WBP4: variants seen among roughly 807,000 people sequenced by gnomAD.
WBP4 encodes WW domain-binding protein 4.
WBP4 carries 37 observed loss-of-function variants against 55.4 expected under a neutral mutation model. The ratio of observed to expected loss-of-function variants is 0.67; its 90% CI spans 0.51 to 0.88. The LOEUF is 0.88. WBP4 is among the 40% of genes least tolerant of loss of function. WBP4 has a pLI of 0.00. For synonymous variants in WBP4, 142 were observed against 140.2 expected (o/e 1.01, Z -0.09); for missense variants, 398 against 420.8 (o/e 0.95, Z 0.47).
chr13:41,067,430 C>G (rs1371286835), intron 4 of WBP4, among the ~76,000 whole-genome samples: 1 of 152,168 alleles, frequency 6.6e-6, no homozygotes, highest in African/African-American at 2.4e-5. Context: ...CCTGTAATCC[C>G]AGCAGTTTAG....
At chr13:41,069,309 C>T (rs1274612232) in intron 5 of WBP4, among the ~76,000 whole-genome samples, 2 of 151,934 alleles carry the variant, frequency 1.3e-5, no homozygotes, top group Non-Finnish European at 2.9e-5. Flanking sequence ...GGGTAGATCA[C>T]TTGAGGTCAG....
At position 41,065,111 on chromosome 13, in the gene WBP4, A is replaced by C. The variant is rs745490108; in HGVS notation, c.138+33A>C. On this transcript the variant is annotated intron_variant, in intron 3 of 9. Coordinates refer to ENST00000379487, the MANE Select transcript of WBP4 (RefSeq NM_007187.5). ...AGATTGTTTATTTGCTAATTTTTCT[A>C]TGCAAATGTCAGTCCTTTATCTCAC... The C allele has an allele frequency of 4.4e-6, 7 of 1,601,180 alleles. No individual in the cohort carries two copies. In the East Asian group the frequency reaches 1.6e-4, roughly 36 times the overall value.
At chr13:41,075,129 A>G (rs1325911970) in intron 7 of WBP4, among the ~76,000 whole-genome samples, 1 of 152,182 alleles carries the variant, frequency 6.6e-6, no homozygotes, top group Non-Finnish European at 1.5e-5. Context: ...TTCCTGGACC[A>G]GAATAATTAC....
intron 2 of WBP4, among the ~76,000 whole-genome samples, chr13:41,063,595 T>C (rs1446240844): frequency 6.6e-6 from 1 of 152,178 alleles, no homozygotes; most frequent in Non-Finnish European, 1.5e-5. Flanking sequence ...TTAAAGTCTC[T>C]CTTTCTTGGA....
chr13:41,069,102 C>G (rs750910432), intron 5 of WBP4, among the ~76,000 whole-genome samples: 1 of 152,142 alleles, frequency 6.6e-6, no homozygotes, highest in Non-Finnish European at 1.5e-5. Context: ...ATAAAATATT[C>G]TACAGTAGAG....
intron 8 of WBP4, 33 bp downstream of exon 8, chr13:41,076,270 T>TAA (rs1491494515): frequency 2.5e-5 from 1 of 40,204 alleles, no homozygotes; most frequent in East Asian, 4.0e-4. Context: ...TCACATCAAA[T>TAA]TTTTTTTTTT....
intron 6 of WBP4, 97 bp from the exon 7 acceptor site, chr13:41,072,685 T>G: frequency 1.1e-6 from 1 of 945,960 alleles, no homozygotes; most frequent in Non-Finnish European, 1.6e-6. Flanking sequence ...TATCACCAGG[T>G]GTCAGGAGGA....
intron 7 of WBP4, among the ~76,000 whole-genome samples, chr13:41,073,817 AAAAT>A (rs1283737894): frequency 6.6e-6 from 1 of 152,252 alleles, no homozygotes; most frequent in African/African-American, 2.4e-5. Flanking sequence ...AATAAAATAA[AAAAT>A]AAAACTGAAG....
intron 7 of WBP4, among the ~76,000 whole-genome samples, chr13:41,074,143 G>A (rs1202911722): frequency 6.6e-6 from 1 of 152,050 alleles, no homozygotes; most frequent in Non-Finnish European, 1.5e-5. Context: ...ATGTTAGTCA[G>A]GATGGTCTCG....
intron 1 of WBP4, chr13:41,062,142 TC>T (rs1307898573): frequency 1.1e-5 from 6 of 547,350 alleles, no homozygotes; most frequent in Non-Finnish European, 1.3e-5. Context: ...GTCTACGAAG[TC>T]CCATGGCTTT....
intron 4 of WBP4, among the ~76,000 whole-genome samples, chr13:41,067,458 A>G (rs1362852925): frequency 6.6e-6 from 1 of 152,084 alleles, no homozygotes; most frequent in Non-Finnish European, 1.5e-5. Flanking sequence ...GAGTGGGAGG[A>G]TTGTTTGAGC....
At chr13:41,079,442 G>A (rs957193494) in intron 8 of WBP4, among the ~76,000 whole-genome samples, 12 of 150,300 alleles carry the variant, frequency 8.0e-5, no homozygotes, top group Admixed American at 2.0e-4. Context: ...GCATGGTGGC[G>A]CATGCAGGAG....
chr13:41,066,243 T>G (rs1463583484), intron 4 of WBP4, among the ~76,000 whole-genome samples: 1 of 152,234 alleles, frequency 6.6e-6, no homozygotes, highest in Non-Finnish European at 1.5e-5. Flanking sequence ...TGCTGCCCTT[T>G]GAGCAAATAA....
In WBP4 at chr13:41,061,520, C is replaced by G. The variant is rs894756607; in HGVS notation, c.-154C>G. The G allele has an allele frequency of 3.9e-5, 48 of 1,223,448 alleles. No homozygotes were observed. The highest frequency in any genetic ancestry group is 1.2e-4 in the Admixed American group (6 of 49,474). The allele number at this position is 1,223,448 out of a possible 1,614,324, so 75.8% of individuals were successfully genotyped here. On this transcript the variant is annotated 5_prime_UTR_variant, in exon 1 of 10. Transcript: ENST00000379487. Reference sequence around the variant, plus strand: ...TCGTCTGGGCACCCGTAGTTGGGAACAGCGGAACGCTGGTCCCGGGGACTG... The same window carrying G: ...TCGTCTGGGCACCCGTAGTTGGGAAGAGCGGAACGCTGGTCCCGGGGACTG...
At chr13:41,072,975 G>T in intron 7 of WBP4, 118 bp downstream of exon 7, 1 of 693,082 alleles carries the variant, frequency 1.4e-6, no homozygotes, top group Non-Finnish European at 2.3e-6. Context: ...TATTTGTGTA[G>T]TAAACATGAA....
At chr13:41,075,512 G>A (rs1027455183) in intron 7 of WBP4, among the ~76,000 whole-genome samples, 3 of 152,136 alleles carry the variant, frequency 2.0e-5, no homozygotes, top group Non-Finnish European at 4.4e-5. Flanking sequence ...CTCCTGAGTA[G>A]TGGGTACTGC....
At chr13:41,069,553 T>C (rs182520484) in intron 5 of WBP4, among the ~76,000 whole-genome samples, 1 of 151,886 alleles carries the variant, frequency 6.6e-6, no homozygotes, top group East Asian at 1.9e-4. Context: ...TCCCAGCTAC[T>C]TGGGAGGCTG....
At chr13:41,082,438 T>A (rs984443182) in intron 9 of WBP4, among the ~76,000 whole-genome samples, 1 of 152,096 alleles carries the variant, frequency 6.6e-6, no homozygotes, top group Non-Finnish European at 1.5e-5. Flanking sequence ...CTTGTACTGC[T>A]TATATATAAG....
At chr13:41,073,855 T>G (rs1878359751) in intron 7 of WBP4, among the ~76,000 whole-genome samples, 1 of 151,664 alleles carries the variant, frequency 6.6e-6, no homozygotes, top group African/African-American at 2.4e-5. Context: ...TCTAACAAAT[T>G]AGTAAAAGTG....
Sources: allele counts gnomAD v4.1 joint callset (sites outside exome capture counted in the v4.1 genomes callset), GRCh38; gene constraint gnomAD v4.1.1; transcripts MANE v1.5; gene names NCBI Gene and HGNC (gene_info 2026-07-23, HGNC 2026-07-21).